Variants in LRRTM4 observed in about 807,000 individuals in gnomAD.
LRRTM4 encodes leucine rich repeat transmembrane neuronal 4.
Under a neutral mutation model 47.6 loss-of-function variants are expected in LRRTM4, and 25 were observed. The ratio of observed to expected loss-of-function variants is 0.53; its 90% confidence interval spans 0.38 to 0.73. The LOEUF is 0.73. LRRTM4 is among the 30% of genes least tolerant of loss of function. The probability of loss-of-function intolerance (pLI) is 0.00; values close to 1 mark genes in which losing one functional copy is unlikely to be tolerated. For missense variants in LRRTM4, 638 were observed against 713.4 expected, an observed-to-expected ratio of 0.89 and a Z score of 1.20; for synonymous variants, 311 against 269.5, an observed-to-expected ratio of 1.15 and a Z score of -1.51.
intron 3 of LRRTM4, among the ~76,000 whole-genome samples, chr2:76,940,799 C>T (rs1328360614): frequency 6.6e-6 from 1 of 152,096 alleles, no homozygotes; most frequent in African/African-American, 2.4e-5. Flanking sequence ...ACCTGAACTC[C>T]CTTCTTAAGC....
intron 3 of LRRTM4, among the ~76,000 whole-genome samples, chr2:76,871,732 T>G (rs1171695672): frequency 1.3e-5 from 2 of 152,198 alleles, no homozygotes; most frequent in Non-Finnish European, 2.9e-5. Context: ...AATTGTGTAT[T>G]CCATACTATT....
At chr2:76,837,313 A>T (rs1325866845) in intron 3 of LRRTM4, among the ~76,000 whole-genome samples, 2 of 151,696 alleles carry the variant, frequency 1.3e-5, no homozygotes, top group Non-Finnish European at 1.5e-5. Context: ...AATTTTGTTG[A>T]TCCTTTCAAA....
At chr2:77,029,927 TAAATA>T (rs1205209656) in intron 3 of LRRTM4, among the ~76,000 whole-genome samples, 3 of 151,996 alleles carry the variant, frequency 2.0e-5, no homozygotes, top group African/African-American at 4.8e-5. Context: ...TAAAACACAT[TAAATA>T]AAATAAGAGG....
At chr2:77,151,075 T>C (rs1463478882) in intron 3 of LRRTM4, among the ~76,000 whole-genome samples, 1 of 152,100 alleles carries the variant, frequency 6.6e-6, no homozygotes, top group Non-Finnish European at 1.5e-5. Context: ...ACCTGTGAAA[T>C]CATCACCACA....
chr2:76,975,347 A>C (rs1349809283), intron 3 of LRRTM4, among the ~76,000 whole-genome samples: 6 of 151,784 alleles, frequency 4.0e-5, no homozygotes, highest in Non-Finnish European at 7.4e-5. Flanking sequence ...ATGGATTTGA[A>C]AACAAAATCT....
chr2:77,291,060 C>A (rs577741184), intron 3 of LRRTM4, among the ~76,000 whole-genome samples: 2 of 152,074 alleles, frequency 1.3e-5, no homozygotes, highest in South Asian at 4.1e-4. Context: ...AAGAGTGGTG[C>A]TTTATTCAAT....
intron 3 of LRRTM4, among the ~76,000 whole-genome samples, chr2:76,976,147 C>T (rs1213483528): frequency 2.6e-5 from 4 of 151,724 alleles, no homozygotes; most frequent in African/African-American, 9.7e-5. Flanking sequence ...GCTCTGTAAT[C>T]CTTTCCTTTA....
intron 3 of LRRTM4, among the ~76,000 whole-genome samples, chr2:77,500,257 C>T (rs1381638365): frequency 1.3e-5 from 2 of 151,740 alleles, no homozygotes; most frequent in East Asian, 1.9e-4. Flanking sequence ...ATTCTCACAG[C>T]TTCCTAATTA....
intron 3 of LRRTM4, among the ~76,000 whole-genome samples, chr2:77,052,981 T>TAA (rs796544033): frequency 4.9e-5 from 7 of 143,940 alleles, no homozygotes; most frequent in East Asian, 2.0e-4. Context: ...GGAGAAAGGC[T>TAA]AAAAAAAAAA....
chr2:77,463,359 A>G (rs1457001221), intron 3 of LRRTM4, among the ~76,000 whole-genome samples: 3 of 152,104 alleles, frequency 2.0e-5, no homozygotes, highest in African/African-American at 4.8e-5. Flanking sequence ...CTTTCTTTCA[A>G]TGTCAAGGTA....
At chr2:77,356,229 T>G (rs1383210651) in intron 3 of LRRTM4, among the ~76,000 whole-genome samples, 1 of 152,226 alleles carries the variant, frequency 6.6e-6, no homozygotes, top group Non-Finnish European at 1.5e-5. Flanking sequence ...ATTTTAGGAA[T>G]ACTTATTAGA....
chr2:77,214,070 T>A (rs1674370263), intron 3 of LRRTM4, among the ~76,000 whole-genome samples: 1 of 152,154 alleles, frequency 6.6e-6, no homozygotes, highest in African/African-American at 2.4e-5. Flanking sequence ...AGCTTAAACA[T>A]TGAGTCTAAA....
chr2:77,122,932 A>G (rs943672754), intron 3 of LRRTM4, among the ~76,000 whole-genome samples: 2 of 151,922 alleles, frequency 1.3e-5, no homozygotes, highest in Non-Finnish European at 2.9e-5. Flanking sequence ...TATTTAGGAC[A>G]CGTCAAGTTT....
intron 3 of LRRTM4, among the ~76,000 whole-genome samples, chr2:76,951,612 A>T (rs1049245691): frequency 6.6e-6 from 1 of 151,942 alleles, no homozygotes; most frequent in Non-Finnish European, 1.5e-5. Context: ...ACCTTCAGAT[A>T]ATAGATAATT....
intron 3 of LRRTM4, among the ~76,000 whole-genome samples, chr2:77,244,002 T>G (rs2103996670): frequency 7.7e-6 from 1 of 129,130 alleles, no homozygotes; most frequent in Middle Eastern, 3.7e-3. Flanking sequence ...TTCCCACCTA[T>G]GAGTGAGAAT....
chr2:77,053,848 C>A (rs1679517604), intron 3 of LRRTM4, among the ~76,000 whole-genome samples: 1 of 152,076 alleles, frequency 6.6e-6, no homozygotes, highest in Non-Finnish European at 1.5e-5. Flanking sequence ...ATATAGGTAT[C>A]ATACTAAGAC....
intron 3 of LRRTM4, among the ~76,000 whole-genome samples, chr2:76,962,349 C>T (rs1410062977): frequency 1.3e-5 from 2 of 151,088 alleles, no homozygotes; most frequent in African/African-American, 4.8e-5. Flanking sequence ...ATGTGGCAAA[C>T]TCACAATCTT....
intron 3 of LRRTM4, among the ~76,000 whole-genome samples, chr2:77,323,846 TA>T (rs2104233051): frequency 6.6e-6 from 1 of 152,232 alleles, no homozygotes; most frequent in South Asian, 2.1e-4. Context: ...TTAACTTCAG[TA>T]GTTCTTAATT....
Position 77,041,906 on chromosome 2 carries a change from C to A in LRRTM4, c.1552-292990G>T, listed in dbSNP as rs58098139. Among the ~76,000 whole-genome samples the A allele has an allele frequency of 4.7e-3, 622 of 132,608 alleles. 4 individuals are homozygous for A. Among genetic ancestry groups the A allele is most frequent in the Non-Finnish European group, 5.8e-3 (366 of 62,846 alleles). 87.0% of individuals were successfully genotyped at this position (132,608 alleles called of 152,430 possible). Reference sequence around the variant, plus strand: ...CAATTCTATAATTTGTATGAAAACACAAAAGACCCGGAATGGAATAAAGAG... The same window carrying A: ...CAATTCTATAATTTGTATGAAAACAAAAAAGACCCGGAATGGAATAAAGAG... On this transcript the variant is annotated intron_variant, in intron 3 of 3. Transcript: ENST00000409884.
Sources: allele counts gnomAD v4.1 joint callset (sites outside exome capture counted in the v4.1 genomes callset), GRCh38; gene constraint gnomAD v4.1.1; transcripts MANE v1.5; gene names NCBI Gene and HGNC (gene_info 2026-07-23, HGNC 2026-07-21).